The following CALB2 variants were observed in gnomAD, a reference collection of about 807,000 sequenced individuals.
The protein encoded by CALB2 is calbindin 2.
A neutral mutation model predicts 45.9 loss-of-function variants in CALB2; 34 were observed. The observed-to-expected ratio is 0.74, with a 90% CI of 0.56 to 0.99. CALB2 has a LOEUF of 0.99. Ranked by LOEUF, CALB2 falls within the 50% of genes least tolerant of loss-of-function variation. The pLI, the probability that CALB2 is intolerant of heterozygous loss-of-function variation, is 0.00. For missense variants in CALB2, 344 were observed against 339.3 expected (o/e 1.01, Z -0.11); for synonymous variants, 142 against 129.6 (o/e 1.10, Z -0.65).
At chr16:71,364,381 C>T (rs1220696458) in intron 1 of CALB2, among the ~76,000 whole-genome samples, 2 of 152,214 alleles carry the variant, frequency 1.3e-5, no homozygotes, top group Admixed American at 1.3e-4. Flanking sequence ...AGGGAGGTTT[C>T]CAGGGCTAAG....
chr16:71,358,935 C>A (rs780095422), intron 1 of CALB2, 49 bp downstream of exon 1: 3 of 1,524,770 alleles, frequency 2.0e-6, no homozygotes, highest in Admixed American at 1.8e-5. Flanking sequence ...AGGGGACCTG[C>A]GGTGAAGGGG....
intron 3 of CALB2, among the ~76,000 whole-genome samples, chr16:71,375,274 C>T (rs998808073): frequency 6.6e-6 from 1 of 152,200 alleles, no homozygotes; most frequent in Non-Finnish European, 1.5e-5. Flanking sequence ...TTGCATATAA[C>T]ATAATTTACA....
chr16:71,387,091 T>C (rs1291505904), intron 10 of CALB2, among the ~76,000 whole-genome samples: 1 of 152,178 alleles, frequency 6.6e-6, no homozygotes, highest in East Asian at 1.9e-4. Flanking sequence ...GAATGAGGCA[T>C]AGTTTGTCTT....
At position 71,374,845 on chromosome 16, in the gene CALB2, C is replaced by CCAT; in HGVS notation, c.261+12_261+13insATC. 2 of 1,589,362 alleles carry CCAT rather than the reference C, an allele frequency of 1.3e-6. No homozygotes were observed. The highest frequency in any genetic ancestry group is 1.3e-5 in the African/African-American group (1 of 74,524). ...ATCGAGATGGCAGAGGTGAGCCCTG[C>CCAT]CTCGCTGGTAAAGAGCTGTGTGGGA... On this transcript the variant is annotated intron_variant, in intron 3 of 10. Coordinates refer to ENST00000302628, the MANE Select transcript of CALB2 (RefSeq NM_001740.5).
In CALB2 at chr16:71,387,722, G is replaced by A. The variant is rs549330723; in HGVS notation, c.700-2027G>A. Among the ~76,000 whole-genome samples the A allele has an allele frequency of 1.3e-4, 20 of 152,262 alleles. No individual in the cohort carries two copies. In the South Asian group the frequency reaches 1.9e-3, roughly 14 times the overall value. On this transcript the variant is annotated intron_variant, in intron 10 of 10. Coordinates refer to ENST00000302628, the MANE Select transcript of CALB2 (RefSeq NM_001740.5). ...GTCTCTCGCTGCCACAGTTCACTGCGGAAGTTGTCCCAAGCTTGGGGTTGA... is the reference window on the plus strand; with the variant it reads ...GTCTCTCGCTGCCACAGTTCACTGCAGAAGTTGTCCCAAGCTTGGGGTTGA...
intron 1 of CALB2, among the ~76,000 whole-genome samples, chr16:71,365,327 C>G (rs554606560): frequency 6.6e-6 from 1 of 152,162 alleles, no homozygotes; most frequent in Admixed American, 6.5e-5. Context: ...CTATGGACTG[C>G]GAGTGCTACA....
rs538815781 is a variant in CALB2 at position 71,384,945 on chromosome 16, C to T, written c.627+109C>T. 7.3e-5 allele frequency: 66 copies of T among 901,684 alleles called. No individual in the cohort carries two copies. In the African/African-American group the frequency reaches 1.0e-3, roughly 14 times the overall value. The allele number at this position is 901,684 out of a possible 1,614,324, so 55.9% of individuals were successfully genotyped here. On this transcript the variant is annotated intron_variant, in intron 9 of 10. Coordinates refer to ENST00000302628, the MANE Select transcript of CALB2 (RefSeq NM_001740.5). ...ACAGCTTTCCAGGGGTGGCCTGGGC[C>T]GTGTGGTTTCTTCCTGCCGCATCTT...
At chr16:71,384,561 ACAC>A (rs1300633271) in intron 8 of CALB2, among the ~76,000 whole-genome samples, 183 bp downstream of exon 8, 8 of 137,070 alleles carry the variant, frequency 5.8e-5, no homozygotes, top group East Asian at 2.2e-4. Context: ...CAGACCACAC[ACAC>A]CACATACACA....
chr16:71,366,472 A>C (rs1410476872), intron 1 of CALB2, among the ~76,000 whole-genome samples: 2 of 151,828 alleles, frequency 1.3e-5, no homozygotes, highest in Non-Finnish European at 2.9e-5. Flanking sequence ...CTGGGACTAC[A>C]GGCACACACC....
intron 4 of CALB2, among the ~76,000 whole-genome samples, chr16:71,382,124 A>AAAGGAAGGAAGGAAAG (rs1555526528): frequency 0.11 from 3,831 of 34,364 alleles, 250 homozygotes; most frequent in African/African-American, 0.25. Context: ...AAAGGAAGAA[A>AAAGGAAGGAAGGAAAG]AAGGAAGGAA....
At chr16:71,363,889 G>C (rs919817484) in intron 1 of CALB2, among the ~76,000 whole-genome samples, 1 of 152,186 alleles carries the variant, frequency 6.6e-6, no homozygotes, top group African/African-American at 2.4e-5. Flanking sequence ...TGTCAGAGGA[G>C]CGCTTTCTCT....
At chr16:71,360,049 G>A (rs1289898599) in intron 1 of CALB2, among the ~76,000 whole-genome samples, 1 of 152,240 alleles carries the variant, frequency 6.6e-6, no homozygotes, top group Non-Finnish European at 1.5e-5. Context: ...TCTGACACCT[G>A]TCATTCAGGC....
In CALB2 at chr16:71,384,825, T is replaced by C; in HGVS notation, c.616T>C (p.Phe206Leu). 5 of 1,612,190 alleles carry C rather than the reference T, an allele frequency of 3.1e-6. No homozygotes were observed. The highest frequency in any genetic ancestry group is 4.2e-6 in the Non-Finnish European group (5 of 1,178,958). ...AGAGGAGTTTAACGCGATCTTCACA[T>C]TTTACGACAAGGTAAGAGAGGGAGT... The part of the protein sequence containing the change: ...TSEEFNAIFT[F>L]YDKDRSGYID... Residue 206 changes from phenylalanine (F) to leucine (L), a missense_variant, in exon 9 of 11, where the codon TTT becomes CTT. Physicochemically the swap from Phe to Leu is conservative, Grantham distance 22. This residue lies in a region of CALB2 where 263 missense variants were observed against 241.7 expected (regional missense o/e 1.09). Transcript: ENST00000302628.
In CALB2 at chr16:71,358,723, A is replaced by T. The variant is rs916972222; in HGVS notation, c.-70A>T. 8.0e-7 allele frequency: 1 copy of T among 1,249,582 alleles called. No homozygotes were observed. The highest frequency in any genetic ancestry group is 1.1e-6 in the Non-Finnish European group (1 of 881,904). 77.4% of individuals were successfully genotyped at this position (1,249,582 alleles called of 1,614,324 possible). A position where few individuals can be genotyped will look rare whatever the true frequency, so the allele number is the denominator to read the frequency against. ...TAAGGGCAGCGTGGCGCACAACCCCAGCGCGAGTGCCAGAGCCCAGCCGGC... is the reference window on the plus strand; with the variant it reads ...TAAGGGCAGCGTGGCGCACAACCCCTGCGCGAGTGCCAGAGCCCAGCCGGC... On this transcript the variant is annotated 5_prime_UTR_variant, in exon 1 of 11. Transcript: ENST00000302628.
intron 1 of CALB2, among the ~76,000 whole-genome samples, chr16:71,363,665 G>T (rs1416735602): frequency 6.6e-6 from 1 of 152,212 alleles, no homozygotes; most frequent in Non-Finnish European, 1.5e-5. Flanking sequence ...GGGAACCTGG[G>T]CAACTGGCCC....
chr16:71,377,065 G>A (rs188683423), intron 3 of CALB2, among the ~76,000 whole-genome samples: 1 of 152,358 alleles, frequency 6.6e-6, no homozygotes, highest in East Asian at 1.9e-4. Context: ...TGACACAAGA[G>A]TTCCAGGAGC....
chr16:71,372,085 G>C (rs1018689885), intron 1 of CALB2, 68 bp from the exon 2 acceptor site: 3 of 1,088,400 alleles, frequency 2.8e-6, no homozygotes, highest in Admixed American at 1.8e-5. Flanking sequence ...CGAAGCCCCC[G>C]ACATGCCCAC....
At position 71,388,334 on chromosome 16, in the gene CALB2, C is replaced by CAA. The variant is rs71153632; in HGVS notation, c.700-1399_700-1398dup. Among the ~76,000 whole-genome samples, 760 of 103,316 alleles carry CAA rather than the reference C, an allele frequency of 7.4e-3. 6 individuals are homozygous for CAA. The highest frequency in any genetic ancestry group is 0.022 in the African/African-American group (488 of 22,266). 67.8% of individuals were successfully genotyped at this position (103,316 alleles called of 152,430 possible). On this transcript the variant is annotated intron_variant, in intron 10 of 10. Coordinates refer to ENST00000302628, the MANE Select transcript of CALB2 (RefSeq NM_001740.5). The stretch of plus-strand genomic sequence containing the variant: ...GGGTGACAAGAGCAAGACCTTATCT[C>CAA]AAAAAAAAAAAAAAAAAGAAAAAGA...
At chr16:71,370,208 T>G (rs2042331940) in intron 1 of CALB2, among the ~76,000 whole-genome samples, 1 of 152,214 alleles carries the variant, frequency 6.6e-6, no homozygotes, top group Non-Finnish European at 1.5e-5. Flanking sequence ...CCTCTAAGTT[T>G]ATTAAGAATT....
Sources: allele counts gnomAD v4.1 joint callset (sites outside exome capture counted in the v4.1 genomes callset), GRCh38; gene constraint gnomAD v4.1.1; regional missense constraint gnomAD v4.1.1; transcripts MANE v1.5; gene names NCBI Gene and HGNC (gene_info 2026-07-23, HGNC 2026-07-21).